The following AKAP19 variants were observed in gnomAD, a reference collection of about 807,000 sequenced individuals.
The protein encoded by AKAP19 is A-kinase anchoring protein 19.
At chr2:190,019,529 G>A in the AKAP19 span, among the ~76,000 whole-genome samples, 1 of 152,024 alleles carries the variant, frequency 6.6e-6, no homozygotes, top group African/African-American at 2.4e-5. Flanking sequence ...CTCTGATGTG[G>A]TGCCACTGCT....
the AKAP19 span, among the ~76,000 whole-genome samples, chr2:190,034,194 A>G: frequency 6.6e-6 from 1 of 152,088 alleles, no homozygotes; most frequent in Non-Finnish European, 1.5e-5. Flanking sequence ...CTAAATAAAT[A>G]CAGCTTAATT....
chr2:189,929,012 A>G, the AKAP19 span, among the ~76,000 whole-genome samples: 7,578 of 152,242 alleles, frequency 0.05, 312 homozygotes, highest in African/African-American at 0.1. Context: ...TCAGAAGCCT[A>G]GAGATTTAAA....
At chr2:189,889,695 CATTT>C in the AKAP19 span, among the ~76,000 whole-genome samples, 1 of 152,042 alleles carries the variant, frequency 6.6e-6, no homozygotes. Context: ...ATTTCTTCTG[CATTT>C]TCTAGTTTAT....
the AKAP19 span, among the ~76,000 whole-genome samples, chr2:190,123,667 C>T: frequency 6.6e-6 from 1 of 152,188 alleles, no homozygotes; most frequent in Admixed American, 6.5e-5. Flanking sequence ...AAATTGACTA[C>T]AGAAAGCCCA....
the AKAP19 span, among the ~76,000 whole-genome samples, chr2:190,073,908 G>A: frequency 4.6e-5 from 7 of 151,950 alleles, no homozygotes; most frequent in South Asian, 2.1e-4. Context: ...AAAATTAGCC[G>A]GGTGTGGTGA....
the AKAP19 span, among the ~76,000 whole-genome samples, chr2:189,896,607 A>G: frequency 6.6e-6 from 1 of 152,182 alleles, no homozygotes; most frequent in East Asian, 1.9e-4. Context: ...GGTTTATATC[A>G]ATGCAAATGA....
chr2:190,012,147 T>C, the AKAP19 span, among the ~76,000 whole-genome samples: 4 of 152,272 alleles, frequency 2.6e-5, no homozygotes, highest in East Asian at 7.7e-4. Flanking sequence ...GATTTTTCTT[T>C]TGAGACAGGA....
the AKAP19 span, among the ~76,000 whole-genome samples, chr2:190,053,566 C>T: frequency 1.3e-5 from 2 of 152,220 alleles, 1 homozygote. Flanking sequence ...TGCTTTGATA[C>T]GTTTTGCAGT....
At chr2:190,084,365 T>A in the AKAP19 span, among the ~76,000 whole-genome samples, 4 of 152,298 alleles carry the variant, frequency 2.6e-5, no homozygotes, top group East Asian at 5.8e-4. Flanking sequence ...AGTGCTGGGA[T>A]TACAGGCATG....
chr2:190,004,431 G>A, the AKAP19 span, among the ~76,000 whole-genome samples: 11 of 151,972 alleles, frequency 7.2e-5, no homozygotes, highest in Admixed American at 2.6e-4. Context: ...ACAGTGACCC[G>A]TAGGGCCTTT....
At chr2:190,008,717 A>G in the AKAP19 span, among the ~76,000 whole-genome samples, 1 of 143,300 alleles carries the variant, frequency 7.0e-6, no homozygotes, top group African/African-American at 2.6e-5. Flanking sequence ...CAGTGAATAA[A>G]AGATGTGCAC....
the AKAP19 span, among the ~76,000 whole-genome samples, chr2:189,913,575 T>G: frequency 1.3e-5 from 2 of 152,242 alleles, no homozygotes; most frequent in East Asian, 3.9e-4. Flanking sequence ...ATTAAAATAT[T>G]GGCTTTCCTC....
At chr2:190,091,678 C>T in the AKAP19 span, among the ~76,000 whole-genome samples, 4 of 152,196 alleles carry the variant, frequency 2.6e-5, no homozygotes, top group South Asian at 2.1e-4. Context: ...GCCAAACTTT[C>T]GATCTTGAGT....
the AKAP19 span, among the ~76,000 whole-genome samples, chr2:190,198,923 G>T: frequency 6.6e-6 from 1 of 152,206 alleles, no homozygotes; most frequent in East Asian, 1.9e-4. Context: ...TCAAACAAGG[G>T]TAGGAATGAG....
the AKAP19 span, among the ~76,000 whole-genome samples, chr2:189,910,524 A>G: frequency 1.3e-5 from 2 of 152,026 alleles, no homozygotes; most frequent in Non-Finnish European, 2.9e-5. Context: ...TTGTAGTATC[A>G]TAAGAATTTG....
the AKAP19 span, among the ~76,000 whole-genome samples, chr2:190,015,423 C>T: frequency 6.6e-6 from 1 of 152,168 alleles, no homozygotes; most frequent in South Asian, 2.1e-4. Flanking sequence ...GGTTGGGATG[C>T]AGGGTGCCAA....
chr2:189,919,319 T>A, the AKAP19 span, among the ~76,000 whole-genome samples: 1 of 152,104 alleles, frequency 6.6e-6, no homozygotes, highest in South Asian at 2.1e-4. Context: ...GAACTAAAAG[T>A]GATAGTGGCA....
the AKAP19 span, among the ~76,000 whole-genome samples, chr2:190,129,582 G>A: frequency 5.3e-5 from 8 of 151,552 alleles, no homozygotes; most frequent in Admixed American, 3.3e-4. Context: ...AGGTGATGAG[G>A]GGGAAAGTAA....
the AKAP19 span, among the ~76,000 whole-genome samples, chr2:189,926,687 TCTC>T: frequency 6.8e-6 from 1 of 146,186 alleles, no homozygotes; most frequent in Non-Finnish European, 1.5e-5. Flanking sequence ...TTCACGCCAT[TCTC>T]CTGCCTCAGC....
Sources: allele counts gnomAD v4.1 joint callset (sites outside exome capture counted in the v4.1 genomes callset), GRCh38; gene constraint gnomAD v4.1.1; transcripts MANE v1.5; gene names NCBI Gene and HGNC (gene_info 2026-07-23, HGNC 2026-07-21).